Variants in GSE1 observed in about 807,000 individuals in gnomAD.
The protein encoded by GSE1 is genetic suppressor element 1.
GSE1 carries 32 observed loss-of-function variants against 112.6 expected under a neutral mutation model. The ratio of observed to expected loss-of-function variants is 0.28; its 90% CI spans 0.21 to 0.38. The LOEUF is 0.38. GSE1 is among the 10% of genes least tolerant of loss of function. The pLI is 1.00. For missense variants in GSE1, 2,348 were observed against 1,699.2 expected (o/e 1.38, Z -6.71); for synonymous variants, 1,115 against 735.6 (o/e 1.52, Z -8.35).
At chr16:85,170,013 G>A (rs1230254990) in exon 1 of GSE1, 47 of 984,688 alleles carry the variant, frequency 4.8e-5, no homozygotes, top group East Asian at 1.1e-4. Context: ...GGCTGCGCGG[G>A]GCCGCGGAGG....
At chr16:85,361,078 C>A (rs971038903) in intron 2 of GSE1, among the ~76,000 whole-genome samples, 7 of 151,692 alleles carry the variant, frequency 4.6e-5, no homozygotes, top group African/African-American at 9.7e-5. Context: ...ACACAGAGTA[C>A]CCCCACAAAC....
chr16:85,669,106 A>G (rs2053120666), intron 14 of GSE1, among the ~76,000 whole-genome samples: 1 of 152,240 alleles, frequency 6.6e-6, no homozygotes, highest in South Asian at 2.1e-4. Context: ...ATGCTCCTGT[A>G]TACTGCACAC....
chr16:85,394,659 G>A (rs1054983378), intron 2 of GSE1, among the ~76,000 whole-genome samples: 4 of 152,138 alleles, frequency 2.6e-5, no homozygotes, highest in African/African-American at 4.8e-5. Context: ...GTGTGTGGGC[G>A]TCTCCCCCTG....
At chr16:85,590,235 T>C (rs2046931549) in intron 1 of GSE1, among the ~76,000 whole-genome samples, 1 of 152,022 alleles carries the variant, frequency 6.6e-6, no homozygotes, top group Non-Finnish European at 1.5e-5. Context: ...TGTGTGCGTG[T>C]GTGAACGTGT....
At chr16:85,370,843 C>T (rs1567717296) in intron 2 of GSE1, among the ~76,000 whole-genome samples, 1 of 152,344 alleles carries the variant, frequency 6.6e-6, no homozygotes, top group East Asian at 1.9e-4. Flanking sequence ...TCTCTGCTGC[C>T]CACGGAGTTG....
intron 14 of GSE1, 57 bp from the exon 15 acceptor site, chr16:85,670,938 A>C: frequency 9.3e-7 from 1 of 1,069,630 alleles, no homozygotes; most frequent in Non-Finnish European, 1.5e-6. Context: ...GAGAGCACAA[A>C]GCGGGCCTTC....
intron 2 of GSE1, among the ~76,000 whole-genome samples, chr16:85,482,836 G>C (rs1328810786): frequency 1.3e-5 from 2 of 152,158 alleles, no homozygotes; most frequent in African/African-American, 2.4e-5. Context: ...AGATTAGCCA[G>C]GCATGGTGGA....
Position 85,630,666 on chromosome 16 carries a change from G to A in GSE1, c.8-3248G>A, listed in dbSNP as rs560395079. Among the ~76,000 whole-genome samples, 18 of 152,264 alleles carry A rather than the reference G, an allele frequency of 1.2e-4. No individual in the cohort carries two copies. In the East Asian group the frequency reaches 1.5e-3, roughly 13 times the overall value. ...AACGTATCTTAGCTGTGTGTGGTGC[G>A]CGCACATGTGACCATTCACGCCTTC... On this transcript the variant is annotated intron_variant, in intron 1 of 15. Transcript: ENST00000253458.
intron 1 of GSE1, among the ~76,000 whole-genome samples, chr16:85,279,774 C>A (rs1597271579): frequency 2.0e-5 from 3 of 152,258 alleles, no homozygotes; most frequent in South Asian, 4.2e-4. Context: ...TCAACTCCAA[C>A]TTCTCTGTCT....
chr16:85,288,663 G>A (rs1268286285), intron 1 of GSE1, among the ~76,000 whole-genome samples: 1 of 152,204 alleles, frequency 6.6e-6, no homozygotes, highest in East Asian at 1.9e-4. Context: ...ATTCTGTCCT[G>A]GGGGCTGGGG....
In GSE1 at chr16:85,674,636, TGGC is replaced by T. The variant is rs2053582747; in HGVS notation, c.*2098_*2100del. ...GTCTGGATGCTTTTGGAAATGGCCTTGGCTAAAGTAAAAGGGAAAAGTAGATCC... is the reference window on the plus strand; with the variant it reads ...GTCTGGATGCTTTTGGAAATGGCCTTTAAAGTAAAAGGGAAAAGTAGATCC... On this transcript the variant is annotated 3_prime_UTR_variant, in exon 16 of 16. Transcript: ENST00000253458. 6.6e-6 allele frequency: 1 copy of T among 152,260 alleles called. No homozygotes were observed. The highest frequency in any genetic ancestry group is 1.5e-5 in the Non-Finnish European group (1 of 68,060). The allele number at this position is 152,260 out of a possible 1,614,324, so 9.4% of individuals were successfully genotyped here.
chr16:85,427,173 CA>C (rs1205394170), intron 2 of GSE1, among the ~76,000 whole-genome samples: 1 of 152,184 alleles, frequency 6.6e-6, no homozygotes, highest in Non-Finnish European at 1.5e-5. Flanking sequence ...CAGGTTCAGG[CA>C]AATTCAGCCC....
In GSE1 at chr16:85,652,435, C is replaced by A. The variant is rs536161197; in HGVS notation, c.427-1843C>A. On this transcript the variant is annotated intron_variant, in intron 3 of 15. Transcript: ENST00000253458. ...GTACCTCCCACCCTCGAGACCAGCA[C>A]CCTGGAGAGGCAGGTCAGAAGTCGT... Among the ~76,000 whole-genome samples, 7 of 152,346 alleles carry A rather than the reference C, an allele frequency of 4.6e-5. No individual in the cohort carries two copies. The South Asian group carries it at 1.4e-3, about 32-fold the overall frequency.
intron 1 of GSE1, among the ~76,000 whole-genome samples, chr16:85,601,159 A>C (rs2047448016): frequency 6.6e-6 from 1 of 151,816 alleles, no homozygotes; most frequent in African/African-American, 2.4e-5. Flanking sequence ...GGGCTGGGCG[A>C]GTCTAGAGAG....
At chr16:85,499,486 A>G (rs968780432) in intron 2 of GSE1, among the ~76,000 whole-genome samples, 1 of 151,476 alleles carries the variant, frequency 6.6e-6, no homozygotes, top group South Asian at 2.1e-4. Context: ...AATTTTTTGT[A>G]TTTTTAGTAG....
At chr16:85,590,290 CTGTG>C (rs368803365) in intron 1 of GSE1, among the ~76,000 whole-genome samples, 84 of 130,028 alleles carry the variant, frequency 6.5e-4, no homozygotes, top group African/African-American at 2.2e-3. Flanking sequence ...ACATGTGTGA[CTGTG>C]TGTGTGAACG....
At chr16:85,665,860 G>A (rs772337813) in intron 12 of GSE1, 116 bp from the exon 13 acceptor site, 5 of 977,692 alleles carry the variant, frequency 5.1e-6, no homozygotes, top group South Asian at 1.4e-5. Context: ...CCGGGTCTTG[G>A]TTCTTTGCGC....
intron 1 of GSE1, among the ~76,000 whole-genome samples, chr16:85,629,542 T>A (rs1270913854): frequency 6.6e-6 from 1 of 152,210 alleles, no homozygotes; most frequent in Non-Finnish European, 1.5e-5. Context: ...CTGGCTGGCT[T>A]GTCACATGGG....
chr16:85,307,771 C>T (rs1031046039), intron 1 of GSE1, among the ~76,000 whole-genome samples: 2 of 152,220 alleles, frequency 1.3e-5, no homozygotes, highest in African/African-American at 4.8e-5. Flanking sequence ...CACCATGAAT[C>T]TTATCATTAG....
Sources: allele counts gnomAD v4.1 joint callset (sites outside exome capture counted in the v4.1 genomes callset), GRCh38; gene constraint gnomAD v4.1.1; transcripts MANE v1.5; gene names NCBI Gene and HGNC (gene_info 2026-07-23, HGNC 2026-07-21).